The following CLUH variants were observed in gnomAD, a reference collection of about 807,000 sequenced individuals.
The protein encoded by CLUH is CLUH binding protein of NUMT mRNA.
CLUH carries 77 observed loss-of-function variants against 139.3 expected under a neutral mutation model. The ratio of observed to expected loss-of-function variants is 0.55; its 90% CI spans 0.46 to 0.67. CLUH has a LOEUF of 0.67. Among genes scored for constraint, CLUH ranks in the 30% least tolerant of loss-of-function variants. The pLI is 0.00. For synonymous variants in CLUH, 999 were observed against 801.6 expected (o/e 1.25, Z -4.16); for missense variants, 1,876 against 1,875.8 (o/e 1.00, Z 0.00).
In CLUH at chr17:2,692,490, C is replaced by T. The variant is rs761774207; in HGVS notation, c.3439-8G>A. ...CACCAGCCCGATGTTGTTCTGGGGG[C>T]AGGCGGTGGGGGGCCCTGGTCAGCT... On this transcript the variant is annotated splice_polypyrimidine_tract_variant and splice_region_variant and intron_variant, in intron 21 of 25. Coordinates refer to ENST00000651024, the MANE Select transcript of CLUH (RefSeq NM_001366661.1). The T allele has an allele frequency of 6.3e-7, 1 of 1,596,874 alleles. No homozygotes were observed. Among genetic ancestry groups the T allele is most frequent in the Non-Finnish European group, 8.5e-7 (1 of 1,175,100 alleles).
chr17:2,690,891 T>C, intron 25 of CLUH, 114 bp from the exon 26 acceptor site: 1 of 809,280 alleles, frequency 1.2e-6, no homozygotes. Context: ...CAGTGGGGAA[T>C]GTGTGTGAAC....
Position 2,700,467 on chromosome 17 carries a change from T to C in CLUH, c.1181A>G (p.Asp394Gly). ...YEEHIPGQTRDWNEELQTTRE... is the reference protein window; with the variant it reads ...YEEHIPGQTRGWNEELQTTRE... ...CGTCGTCTGCAGCTCCTCATTCCAG[T>C]CTCGGGTCTGCAGAGAGATCAGGGA... The change falls in exon 9 of 26, where the codon GAC (aspartate) becomes GGC (glycine). Residue 394 changes from aspartate to glycine, a missense_variant. Transcript: ENST00000651024. 4 of 1,611,860 alleles carry C rather than the reference T, an allele frequency of 2.5e-6. No homozygotes were observed. Among genetic ancestry groups the C allele is most frequent in the Non-Finnish European group, 3.4e-6 (4 of 1,179,522 alleles).
At chr17:2,699,763 C>G (rs573920229) in intron 9 of CLUH, among the ~76,000 whole-genome samples, 18 of 152,214 alleles carry the variant, frequency 1.2e-4, no homozygotes, top group African/African-American at 4.3e-4. Flanking sequence ...TCCCGAGTAG[C>G]TGGGACTACA....
At chr17:2,695,314 C>T (rs756426728) in intron 14 of CLUH, 34 bp from the exon 15 acceptor site, 12 of 1,613,474 alleles carry the variant, frequency 7.4e-6, no homozygotes, top group Admixed American at 1.7e-5. Flanking sequence ...CTTGGTCAGG[C>T]CCCCGGCCTC....
intron 1 of CLUH, among the ~76,000 whole-genome samples, chr17:2,710,076 T>G (rs1032669983): frequency 6.6e-6 from 1 of 151,896 alleles, no homozygotes; most frequent in East Asian, 1.9e-4. Context: ...AACACGCCTG[T>G]CCCAGCTTCC....
In CLUH at chr17:2,703,549, C is replaced by G. The variant is rs2070253367; in HGVS notation, c.304-60G>C. 1.3e-6 allele frequency: 2 copies of G among 1,561,054 alleles called. No homozygotes were observed. The highest frequency in any genetic ancestry group is 2.7e-5 in the African/African-American group (2 of 74,168). On this transcript the variant is annotated intron_variant, in intron 2 of 25. Coordinates refer to ENST00000651024, the MANE Select transcript of CLUH (RefSeq NM_001366661.1). The surrounding 1 kb of genome is among the most constrained non-coding windows in gnomAD (Gnocchi z 4.2). ...GAGCACGTAGCGGGGAGAGAAGGCC[C>G]CAACCGCCCCGGTGAGAGGCCACGT...
At chr17:2,700,227 C>G (rs2070123738) in intron 9 of CLUH, among the ~76,000 whole-genome samples, 155 bp downstream of exon 9, 1 of 152,206 alleles carries the variant, frequency 6.6e-6, no homozygotes, top group South Asian at 2.1e-4. Context: ...AGGCGGAAGG[C>G]TAGCAGACCC....
In CLUH at chr17:2,690,451, C is replaced by T; in HGVS notation, c.*143G>A. Reference sequence around the variant, plus strand: ...CTGCGGGGCAGGCAGGCCAGGCTCCCAGGAGGACACGGGGGTGGGGTGGGG... The same window carrying T: ...CTGCGGGGCAGGCAGGCCAGGCTCCTAGGAGGACACGGGGGTGGGGTGGGG... On this transcript the variant is annotated 3_prime_UTR_variant, in exon 26 of 26. Coordinates refer to ENST00000651024, the MANE Select transcript of CLUH (RefSeq NM_001366661.1). The T allele has an allele frequency of 1.4e-6, 1 of 689,896 alleles. No individual in the cohort carries two copies. Among genetic ancestry groups the T allele is most frequent in the Middle Eastern group, 4.4e-4 (1 of 2,280 alleles). The allele number at this position is 689,896 out of a possible 1,614,324, so 42.7% of individuals were successfully genotyped here.
chr17:2,710,396 G>C (rs138263715), intron 1 of CLUH, among the ~76,000 whole-genome samples: 1 of 152,332 alleles, frequency 6.6e-6, no homozygotes, highest in Non-Finnish European at 1.5e-5. Context: ...GCTATGATGG[G>C]AACAGGGTCA....
At position 2,691,714 on chromosome 17, in the gene CLUH, G is replaced by C. The variant is rs763264786; in HGVS notation, c.3790-32C>G. 15 of 1,605,626 alleles carry C rather than the reference G, an allele frequency of 9.3e-6. No individual in the cohort carries two copies. In the East Asian group the frequency reaches 3.1e-4, roughly 34 times the overall value. Reference sequence around the variant, plus strand: ...GGCGGGGAAACCAGCGGTGAGCGGGGCTCCCGCGCTCGCCGGGCCGGAGGG... The same window carrying C: ...GGCGGGGAAACCAGCGGTGAGCGGGCCTCCCGCGCTCGCCGGGCCGGAGGG... On this transcript the variant is annotated intron_variant, in intron 24 of 25. Coordinates refer to ENST00000651024, the MANE Select transcript of CLUH (RefSeq NM_001366661.1).
chr17:2,692,954 T>A, intron 19 of CLUH, 94 bp from the exon 20 acceptor site: 1 of 1,234,246 alleles, frequency 8.1e-7, no homozygotes, highest in Non-Finnish European at 1.1e-6. Context: ...GGTGCCGCTC[T>A]GCAGGCTCCT....
rs1438360627 is a variant in CLUH at position 2,704,421 on chromosome 17, G to C, written c.244C>G (p.Gln82Glu). The C allele has an allele frequency of 7.5e-6, 12 of 1,610,716 alleles. No individual in the cohort carries two copies. The highest frequency in any genetic ancestry group is 1.0e-5 in the Non-Finnish European group (12 of 1,178,738). Residue 82 changes from glutamine (Q) to glutamate (E), a missense_variant, in exon 2 of 26, where the codon CAG (glutamine) becomes GAG (glutamate). Coordinates refer to ENST00000651024, the MANE Select transcript of CLUH (RefSeq NM_001366661.1). This position sits in a 1 kb window ranked among gnomAD's most constrained non-coding sequence, Gnocchi z 5.7. ...ATCTTCACAGAAAAGCCCGTGTCCT[G>C]AATGACAATGACTTCCTGGCCGGTG... ...ETTGQEVIVI[Q>E]DTGFSVKILA...
In CLUH at chr17:2,694,695, G is replaced by C. The variant is rs1017217208; in HGVS notation, c.2853-131C>G. On this transcript the variant is annotated intron_variant, in intron 16 of 25. Coordinates refer to ENST00000651024, the MANE Select transcript of CLUH (RefSeq NM_001366661.1). ...CCCACCCGGCCCCCGGGAGCCTCCCGGCTGCCCTCACCCTCCAGCACCCAG... is the reference window on the plus strand; with the variant it reads ...CCCACCCGGCCCCCGGGAGCCTCCCCGCTGCCCTCACCCTCCAGCACCCAG... The C allele has an allele frequency of 3.8e-4, 486 of 1,285,748 alleles. 1 individual carries two copies. The highest frequency in any genetic ancestry group is 4.9e-4 in the Non-Finnish European group (467 of 957,676). 79.6% of individuals were successfully genotyped at this position (1,285,748 alleles called of 1,614,324 possible).
In CLUH at chr17:2,694,961, G is replaced by A; in HGVS notation, c.2748C>T (p.Pro916=). Residue 916 remains proline, a synonymous_variant, in exon 16 of 26, where the codon CCC becomes CCT. Coordinates refer to ENST00000651024, the MANE Select transcript of CLUH (RefSeq NM_001366661.1). ...AGGCTGTGTTATCTGCAGCCCCCGGGGGCCGGTTTTTCCTCCTCTTATTCC... is the reference window on the plus strand; with the variant it reads ...AGGCTGTGTTATCTGCAGCCCCCGGAGGCCGGTTTTTCCTCCTCTTATTCC... The part of the protein sequence containing the change: ...KKRNKRRKNR[P]PGAADNTAWA... 6.2e-7 allele frequency: 1 copy of A among 1,612,906 alleles called. No homozygotes were observed. The highest frequency in any genetic ancestry group is 8.5e-7 in the Non-Finnish European group (1 of 1,179,544).
rs2069881792 is a variant in CLUH, at chr17:2,695,029, G to A, written c.2680C>T (p.Pro894Ser). 2 of 1,613,582 alleles carry A rather than the reference G, an allele frequency of 1.2e-6. No individual in the cohort carries two copies. The highest frequency in any genetic ancestry group is 2.7e-5 in the African/African-American group (2 of 75,052). The change falls in exon 16 of 26, where the codon CCC becomes TCC. Residue 894 changes from proline (P) to serine (S), a missense_variant. Coordinates refer to ENST00000651024, the MANE Select transcript of CLUH (RefSeq NM_001366661.1). The part of the protein sequence containing the change: ...LNCFLSSYPN[P>S]VAHLPADELV... The stretch of plus-strand genomic sequence containing the variant: ...TCGTCGGCGGGCAGGTGGGCCACGG[G>A]GTTTGGGTAGGAGCTCAGGAAGCAG...
At chr17:2,693,751 TAC>T (rs2069814197) in intron 19 of CLUH, 147 bp downstream of exon 19, 1 of 1,043,438 alleles carries the variant, frequency 9.6e-7, no homozygotes, top group African/African-American at 1.6e-5. Context: ...GGGACACAGT[TAC>T]AGAGGGGTGG....
chr17:2,704,517 T>G lies in CLUH; in HGVS notation c.148A>C (p.Lys50Gln). Residue 50 changes from lysine to glutamine, a missense_variant, in exon 2 of 26, where the codon AAG (lysine) becomes CAG (glutamine). Around this residue, in one of 3 missense-constraint regions of CLUH, gnomAD observed 152 missense variants for 136.7 expected, o/e 1.11. Transcript: ENST00000651024. This position sits in a 1 kb window ranked among gnomAD's most constrained non-coding sequence, Gnocchi z 5.7. Reference sequence around the variant, plus strand: ...GGCTCGGCCGCCGCCGCCTCCTTCTTCAGGCTCTCTGGGCAGTCCCCGTTT... The same window carrying G: ...GGCTCGGCCGCCGCCGCCTCCTTCTGCAGGCTCTCTGGGCAGTCCCCGTTT... ...LLNGDCPESL[K>Q]KEAAAAEPPR... 6.3e-7 allele frequency: 1 copy of G among 1,582,318 alleles called. No individual in the cohort carries two copies. The highest frequency in any genetic ancestry group is 8.6e-7 in the Non-Finnish European group (1 of 1,164,444).
Position 2,704,204 on chromosome 17 carries a change from G to A in CLUH, c.303+158C>T, listed in dbSNP as rs1325029395. ...ACCTGACCCTGGGCTCGATTCCCAC[G>A]TCCACCACGCTAGCTGAGTGACTCT... On this transcript the variant is annotated intron_variant, in intron 2 of 25. Transcript: ENST00000651024. This position sits in a 1 kb window ranked among gnomAD's most constrained non-coding sequence, Gnocchi z 5.7. 6.6e-6 allele frequency among the ~76,000 whole-genome samples: 1 copy of A among 152,108 alleles called. No homozygotes were observed. The highest frequency in any genetic ancestry group is 1.5e-5 in the Non-Finnish European group (1 of 68,010).
intron 16 of CLUH, 35 bp downstream of exon 16, chr17:2,694,822 T>TTGGGCCCCCCCCCCCCCCCCCCC: frequency 7.4e-7 from 1 of 1,346,338 alleles, no homozygotes; most frequent in Non-Finnish European, 1.0e-6. Flanking sequence ...ATCTGCCCAA[T>TTGGGCCCCCCCCCCCCCCCCCCC]CCCACCCACC....
Sources: allele counts gnomAD v4.1 joint callset (sites outside exome capture counted in the v4.1 genomes callset), GRCh38; gene constraint gnomAD v4.1.1; regional missense constraint gnomAD v4.1.1; non-coding constraint Gnocchi (gnomAD v3.1); transcripts MANE v1.5; gene names NCBI Gene and HGNC (gene_info 2026-07-23, HGNC 2026-07-21).